Variants in AGBL1 observed in about 807,000 individuals in gnomAD.
AGBL1 encodes the protein cytosolic carboxypeptidase 4.
Under a neutral mutation model 118.9 loss-of-function variants are expected in AGBL1, and 130 were observed. The observed-to-expected ratio is 1.09, with a 90% CI of 0.95 to 1.26. AGBL1 has a LOEUF of 1.26. AGBL1 is among the 50% of genes most tolerant of loss of function. AGBL1 has a pLI of 0.00. For synonymous variants in AGBL1, 555 were observed against 478.9 expected (o/e 1.16, Z -2.08); for missense variants, 1,584 against 1,298.1 (o/e 1.22, Z -3.38).
chr15:86,363,101 C>A (rs539245263), intron 17 of AGBL1, among the ~76,000 whole-genome samples: 2 of 152,048 alleles, frequency 1.3e-5, no homozygotes, highest in African/African-American at 4.8e-5. Context: ...GGTAAGACTG[C>A]CACTGGGACA....
chr15:86,753,223 GT>G (rs1340022571), intron 22 of AGBL1, among the ~76,000 whole-genome samples: 2 of 151,814 alleles, frequency 1.3e-5, no homozygotes, highest in African/African-American at 4.8e-5. Flanking sequence ...CAGATCCATG[GT>G]TTTTCTGGCT....
chr15:86,644,804 G>C (rs1451231309), intron 21 of AGBL1, among the ~76,000 whole-genome samples: 9 of 139,894 alleles, frequency 6.4e-5, no homozygotes. Flanking sequence ...TCAGGAGTTT[G>C]AGACCAGCCT....
At chr15:86,301,639 A>AGG (rs1445838382) in intron 17 of AGBL1, among the ~76,000 whole-genome samples, 1 of 114,470 alleles carries the variant, frequency 8.7e-6, no homozygotes, top group South Asian at 3.3e-4. Context: ...CATAATCTAC[A>AGG]GGGTGTGTGT....
At chr15:86,718,320 T>C (rs1281131816) in intron 22 of AGBL1, among the ~76,000 whole-genome samples, 1 of 151,938 alleles carries the variant, frequency 6.6e-6, no homozygotes, top group Non-Finnish European at 1.5e-5. Context: ...TTCTCACTCA[T>C]AGGTGGGAAT....
intron 3 of AGBL1, among the ~76,000 whole-genome samples, chr15:86,151,013 T>G (rs2077100409): frequency 6.6e-6 from 1 of 152,012 alleles, no homozygotes; most frequent in African/African-American, 2.4e-5. Flanking sequence ...GGGACATGGA[T>G]GAAATTGGAA....
intron 21 of AGBL1, among the ~76,000 whole-genome samples, chr15:86,664,846 A>G (rs1482806806): frequency 8.0e-6 from 1 of 125,686 alleles, no homozygotes; most frequent in Non-Finnish European, 1.7e-5. Context: ...AAAATCACAT[A>G]TTACATAAAA....
At chr15:86,762,499 T>C (rs2078041228) in intron 22 of AGBL1, among the ~76,000 whole-genome samples, 1 of 151,990 alleles carries the variant, frequency 6.6e-6, no homozygotes. Context: ...TTGGAAAGCT[T>C]AAGAGAAGGT....
chr15:86,170,530 T>A (rs1222957230), intron 5 of AGBL1, among the ~76,000 whole-genome samples: 1 of 151,996 alleles, frequency 6.6e-6, no homozygotes, highest in African/African-American at 2.4e-5. Context: ...AAAAACGACT[T>A]CAAGGAAAAT....
At chr15:86,850,435 A>G (rs1247659953) in intron 22 of AGBL1, among the ~76,000 whole-genome samples, 2 of 152,264 alleles carry the variant, frequency 1.3e-5, no homozygotes, top group East Asian at 3.9e-4. Flanking sequence ...ACTACATGCC[A>G]TTTTATAAAC....
chr15:86,961,549 T>C (rs887125693), intron 23 of AGBL1, among the ~76,000 whole-genome samples: 2 of 152,118 alleles, frequency 1.3e-5, no homozygotes, highest in Admixed American at 1.3e-4. Context: ...GGTGGTGGGA[T>C]GAACAGGAGA....
intron 22 of AGBL1, among the ~76,000 whole-genome samples, chr15:86,751,985 G>A (rs1464657033): frequency 6.6e-6 from 1 of 151,980 alleles, no homozygotes; most frequent in Non-Finnish European, 1.5e-5. Context: ...AAGTTGTTCT[G>A]GAATGATCTT....
At chr15:86,791,571 C>T (rs1420206213) in intron 22 of AGBL1, among the ~76,000 whole-genome samples, 1 of 152,012 alleles carries the variant, frequency 6.6e-6, no homozygotes, top group African/African-American at 2.4e-5. Context: ...TGCCTACCTT[C>T]ACATTGCTTT....
chr15:86,186,882 G>T (rs1158036761), intron 5 of AGBL1, among the ~76,000 whole-genome samples: 1 of 152,180 alleles, frequency 6.6e-6, no homozygotes, highest in African/African-American at 2.4e-5. Context: ...GGTCATACCA[G>T]AAATGAAGTT....
At chr15:86,659,922 G>C (rs1357832355) in intron 21 of AGBL1, among the ~76,000 whole-genome samples, 1 of 151,998 alleles carries the variant, frequency 6.6e-6, no homozygotes, top group Non-Finnish European at 1.5e-5. Flanking sequence ...ACAGTGCTCA[G>C]GTCTGTTCCT....
chr15:86,932,206 G>A (rs891638433), intron 23 of AGBL1, among the ~76,000 whole-genome samples: 5 of 152,174 alleles, frequency 3.3e-5, no homozygotes, highest in African/African-American at 1.2e-4. Context: ...GAAGAGCCCT[G>A]TTATATCAAC....
intron 17 of AGBL1, among the ~76,000 whole-genome samples, chr15:86,301,769 G>C (rs943957214): frequency 6.6e-6 from 1 of 151,660 alleles, no homozygotes; most frequent in Admixed American, 6.6e-5. Context: ...ACAGAGAAGA[G>C]AGGATGTATC....
chr15:86,686,997 A>C (rs112314210), intron 22 of AGBL1, among the ~76,000 whole-genome samples: 11 of 152,210 alleles, frequency 7.2e-5, no homozygotes, highest in Admixed American at 2.0e-4. Flanking sequence ...TGAACAGTGG[A>C]TGTGGTTTTG....
chr15:86,929,905 G>A (rs1445308788), intron 23 of AGBL1, among the ~76,000 whole-genome samples: 1 of 152,158 alleles, frequency 6.6e-6, no homozygotes, highest in African/African-American at 2.4e-5. Context: ...CTTCATGGAG[G>A]TTGCCTACCT....
intron 22 of AGBL1, among the ~76,000 whole-genome samples, chr15:86,822,572 T>C (rs56258020): frequency 0.02 from 3,011 of 152,192 alleles, 97 homozygotes; most frequent in African/African-American, 0.068. Context: ...ATGACAAGTA[T>C]AGGAATTGTG....
Sources: allele counts gnomAD v4.1 joint callset (sites outside exome capture counted in the v4.1 genomes callset), GRCh38; gene constraint gnomAD v4.1.1; transcripts MANE v1.5; gene names NCBI Gene and HGNC (gene_info 2026-07-23, HGNC 2026-07-21).